SAMMSON: variants seen among roughly 807,000 people sequenced by gnomAD.
SAMMSON encodes long intergenic non-protein coding RNA 1212.
rs1288606331 is a variant in SAMMSON, at chr3:70,228,313, C to T, written n.508-20794C>T. ...GTTTCACTAGAATGGAAAATATTAA[C>T]CAAAAAATCTTTTCTTTAATCAAAG... On this transcript the variant is annotated intron_variant and non_coding_transcript_variant, in intron 4 of 9. Transcript: ENST00000642114. 2.0e-5 allele frequency among the ~76,000 whole-genome samples: 3 copies of T among 151,724 alleles called. No homozygotes were observed. The East Asian group carries it at 5.8e-4, about 29-fold the overall frequency.
intron 6 of SAMMSON, among the ~76,000 whole-genome samples, chr3:70,283,036 A>C (rs1702104896): frequency 1.3e-5 from 2 of 152,212 alleles, no homozygotes. Flanking sequence ...CTCAATCACA[A>C]GACGTTGAGG....
rs532920073 is a variant in SAMMSON at position 70,318,040 on chromosome 3, GT to G, written n.739+26803del. On this transcript the variant is annotated intron_variant and non_coding_transcript_variant, in intron 7 of 9. Transcript: ENST00000642114. ...TTTCTCCTCTCTGGCCTCTTTCACT[GT>G]TTTTTCTTTTTCTTTCTTTCAGGAA... is the stretch of plus-strand genomic sequence containing the variant. Among the ~76,000 whole-genome samples, 14 of 151,504 alleles carry G rather than the reference GT, an allele frequency of 9.2e-5. No homozygotes were observed. The East Asian group carries it at 2.3e-3, about 25-fold the overall frequency.
chr3:70,229,237 A>G (rs564613847), intron 4 of SAMMSON, among the ~76,000 whole-genome samples: 1 of 152,206 alleles, frequency 6.6e-6, no homozygotes, highest in Admixed American at 6.5e-5. Context: ...GAAGCAAGAG[A>G]AAATTCCAGA....
downstream of SAMMSON, among the ~76,000 whole-genome samples, chr3:70,394,123 T>C (rs1701072105): frequency 6.6e-6 from 1 of 152,130 alleles, no homozygotes; most frequent in South Asian, 2.1e-4. Context: ...CCAGATTGGC[T>C]CTGGGAGTGG....
At chr3:70,313,402 T>C (rs1463215422) in intron 7 of SAMMSON, among the ~76,000 whole-genome samples, 1 of 150,382 alleles carries the variant, frequency 6.6e-6, no homozygotes, top group Non-Finnish European at 1.5e-5. Flanking sequence ...CCCTTGAGCC[T>C]AGGAGGTCGG....
chr3:70,354,420 G>A (rs1243228687), intron 8 of SAMMSON: 3 of 152,282 alleles, frequency 2.0e-5, no homozygotes, highest in South Asian at 2.1e-4. Flanking sequence ...AGCAATTCAC[G>A]AAGACTGGAA....
At chr3:70,309,879 C>G (rs1445730499) in intron 7 of SAMMSON, among the ~76,000 whole-genome samples, 1 of 152,078 alleles carries the variant, frequency 6.6e-6, no homozygotes, top group Non-Finnish European at 1.5e-5. Flanking sequence ...GAATTCAATG[C>G]CTACGCTGTA....
chr3:70,343,651 A>C lies in SAMMSON; in HGVS notation n.740-10524A>C, dbSNP rs534926438. On this transcript the variant is annotated intron_variant and non_coding_transcript_variant, in intron 7 of 9. Coordinates refer to ENST00000642114, the Ensembl canonical transcript of SAMMSON. ...TCACCTTGATAAAGGGAGGTTTGTCAAGTTTCCATTGTAAAATTATTATTT... is the reference window on the plus strand; with the variant it reads ...TCACCTTGATAAAGGGAGGTTTGTCCAGTTTCCATTGTAAAATTATTATTT... 3.3e-5 allele frequency among the ~76,000 whole-genome samples: 5 copies of C among 152,194 alleles called. No individual in the cohort carries two copies. The South Asian group carries it at 1.0e-3, about 32-fold the overall frequency.
At chr3:70,170,279 A>G (rs1223582147) in intron 4 of SAMMSON, among the ~76,000 whole-genome samples, 1 of 151,914 alleles carries the variant, frequency 6.6e-6, no homozygotes, top group African/African-American at 2.4e-5. Context: ...ATTATCTGAA[A>G]AATGAAACAG....
chr3:70,019,352 C>G (rs1170758538), intron 3 of SAMMSON, among the ~76,000 whole-genome samples: 2 of 152,050 alleles, frequency 1.3e-5, no homozygotes, highest in Non-Finnish European at 2.9e-5. Context: ...TTCTTTGTCT[C>G]TTTTGAACTT....
At chr3:70,421,153 T>A (rs186209592) in intron 2 of SAMMSON, among the ~76,000 whole-genome samples, 1 of 152,252 alleles carries the variant, frequency 6.6e-6, no homozygotes, top group East Asian at 1.9e-4. Context: ...CTTGCTCAGT[T>A]ACAGTTAGTA....
chr3:70,130,746 A>G (rs2106673822), intron 4 of SAMMSON, among the ~76,000 whole-genome samples: 1 of 152,242 alleles, frequency 6.6e-6, no homozygotes, highest in African/African-American at 2.4e-5. Context: ...TTCTCAGCCA[A>G]TAGCTAACAA....
chr3:70,083,890 C>G (rs773218277), intron 4 of SAMMSON, among the ~76,000 whole-genome samples: 1 of 152,042 alleles, frequency 6.6e-6, no homozygotes, highest in Non-Finnish European at 1.5e-5. Context: ...AAACTGTAAG[C>G]TGCATTCCAA....
chr3:70,054,751 G>A (rs954234373), intron 3 of SAMMSON, among the ~76,000 whole-genome samples: 12 of 152,092 alleles, frequency 7.9e-5, no homozygotes, highest in African/African-American at 2.9e-4. Flanking sequence ...ACAACATGGA[G>A]TGATGAGGAC....
intron 7 of SAMMSON, among the ~76,000 whole-genome samples, chr3:70,300,817 A>G (rs941173055): frequency 2.6e-5 from 4 of 152,076 alleles, no homozygotes; most frequent in Admixed American, 1.3e-4. Context: ...GTCAGCCTAC[A>G]GAATGTAGAG....
At chr3:70,166,870 A>G (rs2067639444) in intron 4 of SAMMSON, among the ~76,000 whole-genome samples, 1 of 151,978 alleles carries the variant, frequency 6.6e-6, no homozygotes, top group Non-Finnish European at 1.5e-5. Flanking sequence ...AGGAAAGAGA[A>G]TATTGGAGAT....
At chr3:70,210,320 ATC>A (rs1576156211) in intron 4 of SAMMSON, among the ~76,000 whole-genome samples, 2 of 152,112 alleles carry the variant, frequency 1.3e-5, no homozygotes, top group Admixed American at 1.3e-4. Context: ...TTAATTCTAT[ATC>A]TCTGTTTATA....
At chr3:70,075,987 G>A (rs1262982337) in intron 4 of SAMMSON, among the ~76,000 whole-genome samples, 2 of 150,876 alleles carry the variant, frequency 1.3e-5, no homozygotes, top group Non-Finnish European at 2.9e-5. Context: ...CTGCTGTTAA[G>A]TAGAACTTAT....
chr3:70,031,233 A>G (rs1194868505), intron 3 of SAMMSON, among the ~76,000 whole-genome samples: 1 of 152,218 alleles, frequency 6.6e-6, no homozygotes, highest in Non-Finnish European at 1.5e-5. Context: ...ATTCTGATAC[A>G]TGCTACAACA....
Sources: allele counts gnomAD v4.1 joint callset (sites outside exome capture counted in the v4.1 genomes callset), GRCh38; gene constraint gnomAD v4.1.1; transcripts MANE v1.5; gene names NCBI Gene and HGNC (gene_info 2026-07-23, HGNC 2026-07-21).